Variants in OSBPL6 observed in about 807,000 individuals in gnomAD.
OSBPL6 encodes oxysterol binding protein like 6, also known as oxysterol-binding protein-related protein 6.
OSBPL6 carries 49 observed loss-of-function variants against 125.8 expected under a neutral mutation model. The observed-to-expected ratio is 0.39, with a 90% CI of 0.31 to 0.49. The LOEUF is 0.49. OSBPL6 is among the 20% of genes least tolerant of loss of function. OSBPL6 has a pLI of 0.88. For missense variants in OSBPL6, 986 were observed against 1,135.4 expected (o/e 0.87, Z 1.89); for synonymous variants, 394 against 391.8 (o/e 1.01, Z -0.07).
At chr2:178,346,099 C>T (rs1258980318) in intron 11 of OSBPL6, among the ~76,000 whole-genome samples, 1 of 152,122 alleles carries the variant, frequency 6.6e-6, no homozygotes, top group Non-Finnish European at 1.5e-5. Context: ...GTCTCCATAC[C>T]AAAATGCAGC....
At chr2:178,379,912 G>A (rs1456361892) in intron 15 of OSBPL6, among the ~76,000 whole-genome samples, 1 of 152,150 alleles carries the variant, frequency 6.6e-6, no homozygotes, top group African/African-American at 2.4e-5. Flanking sequence ...GTCCATCACT[G>A]TTCTCCCTAA....
intron 1 of OSBPL6, among the ~76,000 whole-genome samples, chr2:178,280,403 G>A (rs1684037343): frequency 1.3e-5 from 2 of 152,102 alleles, no homozygotes; most frequent in Admixed American, 1.3e-4. Flanking sequence ...GAGATGATTG[G>A]TTATAACTGA....
rs1395468061 is a variant in OSBPL6 at position 178,398,673 on chromosome 2, GA to G, written c.*3120del. 6.6e-6 allele frequency: 1 copy of G among 152,114 alleles called. No homozygotes were observed. The highest frequency in any genetic ancestry group is 2.4e-5 in the African/African-American group (1 of 41,510). The allele number at this position is 152,114 out of a possible 1,614,324, so 9.4% of individuals were successfully genotyped here. A position where few individuals can be genotyped will look rare whatever the true frequency, so the allele number is the denominator to read the frequency against. On this transcript the variant is annotated 3_prime_UTR_variant, in exon 25 of 25. Coordinates refer to ENST00000190611, the MANE Select transcript of OSBPL6 (RefSeq NM_032523.4). Reference sequence around the variant, plus strand: ...ATGGTACATATCAACTATATGTGGGGAAAAAATGCAATTTTCTGGGCAAGAG... The same window carrying G: ...ATGGTACATATCAACTATATGTGGGGAAAAATGCAATTTTCTGGGCAAGAG...
chr2:178,268,174 C>G (rs558309974), intron 1 of OSBPL6, among the ~76,000 whole-genome samples: 1 of 152,046 alleles, frequency 6.6e-6, no homozygotes, highest in South Asian at 2.1e-4. Flanking sequence ...CTCTGCCTCC[C>G]AGGTTCAAGC....
chr2:178,269,624 T>TACA (rs2092327267), intron 1 of OSBPL6, among the ~76,000 whole-genome samples: 3 of 152,142 alleles, frequency 2.0e-5, no homozygotes, highest in African/African-American at 7.2e-5. Context: ...GGGAATGAAT[T>TACA]TTTCCCAGTG....
chr2:178,260,427 G>A (rs778820147), intron 1 of OSBPL6, among the ~76,000 whole-genome samples: 8 of 151,974 alleles, frequency 5.3e-5, no homozygotes, highest in Non-Finnish European at 1.0e-4. Context: ...GTATGTGTCT[G>A]TCTTCTCTGT....
chr2:178,347,995 C>T (rs538651391), intron 11 of OSBPL6, among the ~76,000 whole-genome samples: 11 of 152,298 alleles, frequency 7.2e-5, no homozygotes, highest in South Asian at 2.1e-4. Context: ...ATCAGAAGGA[C>T]GCTCTGTCTC....
chr2:178,306,175 A>G lies in OSBPL6; in HGVS notation c.-10A>G. 2 of 1,587,740 alleles carry G rather than the reference A, an allele frequency of 1.3e-6. No homozygotes were observed. Among genetic ancestry groups the G allele is most frequent in the South Asian group, 1.1e-5 (1 of 90,492 alleles). On this transcript the variant is annotated 5_prime_UTR_variant, in exon 3 of 25. Transcript: ENST00000190611. ...TCTTAAGTGCATAAAACGAGACTCT[A>G]ACTGCAGCGATGAGTTCAGATGAGA...
intron 1 of OSBPL6, among the ~76,000 whole-genome samples, chr2:178,201,062 G>A (rs1559109067): frequency 6.6e-6 from 1 of 152,134 alleles, no homozygotes; most frequent in Non-Finnish European, 1.5e-5. Context: ...CAAAAGTGCT[G>A]GGATTACAGG....
intron 15 of OSBPL6, among the ~76,000 whole-genome samples, chr2:178,378,176 C>T (rs1166745229): frequency 6.6e-6 from 1 of 152,068 alleles, no homozygotes; most frequent in Non-Finnish European, 1.5e-5. Flanking sequence ...TTCCTTCATG[C>T]TTATCACTGT....
intron 8 of OSBPL6, among the ~76,000 whole-genome samples, chr2:178,333,877 G>A (rs1027092167): frequency 9.2e-5 from 14 of 152,296 alleles, no homozygotes; most frequent in East Asian, 3.9e-4. Flanking sequence ...GCACTCATTC[G>A]TCTCTGATCT....
At chr2:178,369,484 T>C (rs2154103775) in intron 13 of OSBPL6, among the ~76,000 whole-genome samples, 1 of 152,280 alleles carries the variant, frequency 6.6e-6, no homozygotes, top group Non-Finnish European at 1.5e-5. Flanking sequence ...TCAATCAAAT[T>C]TGTATGTTTA....
intron 1 of OSBPL6, among the ~76,000 whole-genome samples, chr2:178,239,997 G>T (rs1277841594): frequency 6.6e-6 from 1 of 151,972 alleles, no homozygotes; most frequent in Non-Finnish European, 1.5e-5. Flanking sequence ...ATTTTATTTT[G>T]ATTTTTCATT....
intron 21 of OSBPL6, 58 bp from the exon 22 acceptor site, chr2:178,391,015 A>G: frequency 6.3e-7 from 1 of 1,586,138 alleles, no homozygotes; most frequent in Non-Finnish European, 8.6e-7. Flanking sequence ...TATGGAAAAT[A>G]CAGGGAATGA....
chr2:178,278,896 G>T (rs1033563285), intron 1 of OSBPL6, among the ~76,000 whole-genome samples: 2 of 152,206 alleles, frequency 1.3e-5, no homozygotes, highest in Non-Finnish European at 2.9e-5. Context: ...GTGTTGTACT[G>T]TGTATTGTGC....
intron 1 of OSBPL6, among the ~76,000 whole-genome samples, chr2:178,236,250 G>C (rs1036451274): frequency 6.6e-6 from 1 of 152,172 alleles, no homozygotes; most frequent in Non-Finnish European, 1.5e-5. Context: ...AGTTTAGTGA[G>C]TAGTGCTTAA....
rs765006292 is a variant in OSBPL6, at chr2:178,387,120, C to T, written c.2137C>T (p.Leu713=). The T allele has an allele frequency of 1.2e-6, 2 of 1,611,810 alleles. No individual in the cohort carries two copies. The highest frequency in any genetic ancestry group is 2.2e-5 in the South Asian group (2 of 90,902). Residue 713 remains leucine, a synonymous_variant, in exon 20 of 25, where the codon CTG becomes TTG. Coordinates refer to ENST00000190611, the MANE Select transcript of OSBPL6 (RefSeq NM_032523.4). ...KSMEILPVGT[L]NVMLPKYGDY... is the part of the protein sequence containing the mutation. ...GATGGAAATCCTGCCTGTTGGAACA[C>T]TGAATGTCATGCTTCCAAAGTAGGT... is the stretch of plus-strand genomic sequence containing the variant.
At chr2:178,250,783 A>G (rs576191717) in intron 1 of OSBPL6, among the ~76,000 whole-genome samples, 2 of 152,166 alleles carry the variant, frequency 1.3e-5, no homozygotes, top group East Asian at 1.9e-4. Context: ...ATTCTCACAG[A>G]TCCTGCTCTG....
intron 12 of OSBPL6, among the ~76,000 whole-genome samples, chr2:178,355,635 C>G (rs1691711968): frequency 6.6e-6 from 1 of 152,170 alleles, no homozygotes; most frequent in Non-Finnish European, 1.5e-5. Flanking sequence ...CAGATGGATT[C>G]ATAGCCAAAT....
Sources: allele counts gnomAD v4.1 joint callset (sites outside exome capture counted in the v4.1 genomes callset), GRCh38; gene constraint gnomAD v4.1.1; transcripts MANE v1.5; gene names NCBI Gene and HGNC (gene_info 2026-07-23, HGNC 2026-07-21).